The following CTNNA3 variants were observed in gnomAD, a reference collection of about 807,000 sequenced individuals.
The protein encoded by CTNNA3 is catenin alpha 3.
A neutral mutation model predicts 95.7 loss-of-function variants in CTNNA3; 76 were observed. That is an observed-to-expected ratio of 0.79 (90% CI 0.66 to 0.96). The LOEUF (loss-of-function observed/expected upper bound fraction) is 0.96, where lower values mean the gene tolerates loss of function less well. Ranked by LOEUF, CTNNA3 falls within the 40% of genes least tolerant of loss-of-function variation. CTNNA3 has a pLI of 0.00. For missense variants in CTNNA3, 1,191 were observed against 1,089.8 expected (o/e 1.09, Z -1.31); for synonymous variants, 431 against 374.4 (o/e 1.15, Z -1.74).
chr10:66,082,184 A>G (rs1375505977), intron 14 of CTNNA3, among the ~76,000 whole-genome samples: 2 of 152,040 alleles, frequency 1.3e-5, no homozygotes, highest in African/African-American at 4.8e-5. Flanking sequence ...CAAAGAAAAA[A>G]AAAAAACTTA....
At chr10:67,112,418 T>C (rs983342814) in intron 7 of CTNNA3, among the ~76,000 whole-genome samples, 3 of 152,174 alleles carry the variant, frequency 2.0e-5, no homozygotes, top group Non-Finnish European at 4.4e-5. Flanking sequence ...GAAATATGAA[T>C]TTTAAGTAGC....
At chr10:66,863,385 T>C (rs1844031812) in intron 7 of CTNNA3, among the ~76,000 whole-genome samples, 1 of 151,942 alleles carries the variant, frequency 6.6e-6, no homozygotes, top group African/African-American at 2.4e-5. Flanking sequence ...GGGACAGGGA[T>C]AAAATCAGGG....
At chr10:67,530,951 C>T (rs369648415) in intron 4 of CTNNA3, among the ~76,000 whole-genome samples, 178 of 152,336 alleles carry the variant, frequency 1.2e-3, no homozygotes, top group Non-Finnish European at 2.2e-3. Flanking sequence ...GGCTTCAGAA[C>T]GCAGCTTCTG....
chr10:66,571,287 A>G (rs1564540351), intron 10 of CTNNA3, among the ~76,000 whole-genome samples: 1 of 152,206 alleles, frequency 6.6e-6, no homozygotes, highest in Non-Finnish European at 1.5e-5. Context: ...GACCAGAAGA[A>G]GTGAAAGCCT....
chr10:66,926,979 T>C (rs750085717), intron 7 of CTNNA3: 5 of 1,614,102 alleles, frequency 3.1e-6, no homozygotes, highest in Non-Finnish European at 4.2e-6. Flanking sequence ...TAGCCCCCAC[T>C]GTCTTACTGA....
intron 5 of CTNNA3, among the ~76,000 whole-genome samples, chr10:67,461,940 A>G (rs1240232599): frequency 1.3e-5 from 2 of 152,232 alleles, no homozygotes; most frequent in African/African-American, 2.4e-5. Context: ...ATGGCCATCA[A>G]TCAACTCCAG....
intron 9 of CTNNA3, among the ~76,000 whole-genome samples, chr10:66,687,536 A>G (rs1847342690): frequency 6.6e-6 from 1 of 152,148 alleles, no homozygotes; most frequent in Non-Finnish European, 1.5e-5. Context: ...TCCCTAGAAT[A>G]AATAAACAAG....
chr10:67,668,832 CTTTTT>C (rs869150567), intron 1 of CTNNA3, among the ~76,000 whole-genome samples: 1 of 90,106 alleles, frequency 1.1e-5, no homozygotes, highest in African/African-American at 4.6e-5. Flanking sequence ...TACTGTGTTT[CTTTTT>C]TTTTTTTTTT....
At chr10:66,499,670 A>G (rs1840213185) in intron 11 of CTNNA3, among the ~76,000 whole-genome samples, 1 of 152,158 alleles carries the variant, frequency 6.6e-6, no homozygotes, top group African/African-American at 2.4e-5. Flanking sequence ...CAATTAAGGA[A>G]TTCTCTGTGA....
At chr10:67,310,405 A>C (rs541172884) in intron 5 of CTNNA3, among the ~76,000 whole-genome samples, 5 of 152,140 alleles carry the variant, frequency 3.3e-5, no homozygotes, top group Non-Finnish European at 4.4e-5. Flanking sequence ...ACACAAAAAA[A>C]CTTCTTTTTA....
At chr10:66,900,711 A>C (rs1221531160) in intron 7 of CTNNA3, among the ~76,000 whole-genome samples, 8 of 152,202 alleles carry the variant, frequency 5.3e-5, no homozygotes. Flanking sequence ...AAACCATGGC[A>C]TGAGAACTTC....
chr10:66,633,465 G>A (rs1188809691), intron 9 of CTNNA3, among the ~76,000 whole-genome samples: 1 of 152,108 alleles, frequency 6.6e-6, no homozygotes, highest in African/African-American at 2.4e-5. Flanking sequence ...CAGATCACGA[G>A]GTCAGGAGAT....
chr10:66,870,806 A>G (rs7918983), intron 7 of CTNNA3, among the ~76,000 whole-genome samples: 43,350 of 151,890 alleles, frequency 0.29, 8,041 homozygotes, highest in African/African-American at 0.53. Context: ...TTTGTTTATG[A>G]TTTTCTTTGT....
At position 66,685,189 on chromosome 10, in the gene CTNNA3, A is replaced by G. The variant is rs569181038; in HGVS notation, c.1282-63405T>C. The stretch of plus-strand genomic sequence containing the variant: ...TATATATATATACACATATATATAT[A>G]CGTGTATATATATATACGTATATAT... On this transcript the variant is annotated intron_variant, in intron 9 of 17. Coordinates refer to ENST00000433211, the MANE Select transcript of CTNNA3 (RefSeq NM_013266.4). 2.8e-4 allele frequency among the ~76,000 whole-genome samples: 27 copies of G among 96,962 alleles called. No homozygotes were observed. The East Asian group carries it at 8.5e-3, about 30-fold the overall frequency. 63.6% of individuals were successfully genotyped at this position (96,962 alleles called of 152,430 possible). A position where few individuals can be genotyped will look rare whatever the true frequency, so the allele number is the denominator to read the frequency against.
chr10:66,206,054 T>C (rs6480147), intron 13 of CTNNA3, among the ~76,000 whole-genome samples: 60,597 of 151,610 alleles, frequency 0.4, 13,851 homozygotes, highest in African/African-American at 0.63. Context: ...ATATACTCAA[T>C]TATAAGAGAA....
intron 5 of CTNNA3, among the ~76,000 whole-genome samples, chr10:67,425,530 GA>G (rs763327660): frequency 4.0e-5 from 6 of 150,180 alleles, no homozygotes; most frequent in East Asian, 3.9e-4. Context: ...TTTTGAAGAG[GA>G]AAAAAAAACC....
At chr10:67,030,363 T>C (rs1436840369) in intron 7 of CTNNA3, among the ~76,000 whole-genome samples, 1 of 152,164 alleles carries the variant, frequency 6.6e-6, no homozygotes, top group Admixed American at 6.5e-5. Context: ...TTAAAAACCC[T>C]CTTAATTATA....
intron 5 of CTNNA3, among the ~76,000 whole-genome samples, chr10:67,299,761 T>A (rs1840193123): frequency 6.6e-6 from 1 of 152,236 alleles, no homozygotes; most frequent in Non-Finnish European, 1.5e-5. Flanking sequence ...ATACAGCCAT[T>A]GCTACATTGC....
chr10:66,523,853 C>G (rs1409346648), intron 10 of CTNNA3, among the ~76,000 whole-genome samples: 12 of 152,102 alleles, frequency 7.9e-5, no homozygotes, highest in Non-Finnish European at 1.2e-4. Context: ...ATCATGCCCC[C>G]CACTTGCTGA....
Sources: allele counts gnomAD v4.1 joint callset (sites outside exome capture counted in the v4.1 genomes callset), GRCh38; gene constraint gnomAD v4.1.1; transcripts MANE v1.5; gene names NCBI Gene and HGNC (gene_info 2026-07-23, HGNC 2026-07-21).